Variants in UNC13C observed in about 807,000 individuals in gnomAD.
UNC13C encodes protein unc-13 homolog C.
In UNC13C, 174 loss-of-function variants were observed where a neutral mutation model predicts 245.4. That is an observed-to-expected ratio of 0.71 (90% CI 0.63 to 0.80). The LOEUF is 0.80. UNC13C is among the 30% of genes least tolerant of loss of function. The pLI, the probability that UNC13C is intolerant of heterozygous loss-of-function variation, is 0.00. For missense variants in UNC13C, 2,829 were observed against 2,602.9 expected (o/e 1.09, Z -1.89); for synonymous variants, 992 against 895.1 (o/e 1.11, Z -1.93).
At chr15:54,259,199 A>G (rs1384431205) in intron 8 of UNC13C, among the ~76,000 whole-genome samples, 1 of 152,218 alleles carries the variant, frequency 6.6e-6, no homozygotes, top group Non-Finnish European at 1.5e-5. Flanking sequence ...GTTTCAATAT[A>G]TGACTTTCAA....
At position 54,546,709 on chromosome 15, in the gene UNC13C, A is replaced by T. The variant is rs187587791; in HGVS notation, c.5697-13A>T. The T allele has an allele frequency of 6.2e-3, 8,562 of 1,376,806 alleles. 49 individuals carry two copies. The highest frequency in any genetic ancestry group is 0.018 in the South Asian group (1,176 of 65,342). The allele number at this position is 1,376,806 out of a possible 1,614,324, so 85.3% of individuals were successfully genotyped here. A position where few individuals can be genotyped will look rare whatever the true frequency, so the allele number is the denominator to read the frequency against. ...AATTTAAAAGTGAATATATATATAT[A>T]TTTTTTTTTCAGATTAAGTCTCTCA... On this transcript the variant is annotated splice_polypyrimidine_tract_variant and intron_variant, in intron 26 of 32. Coordinates refer to ENST00000260323, the MANE Select transcript of UNC13C (RefSeq NM_001080534.3).
chr15:54,046,787 G>T (rs1180867387), intron 2 of UNC13C, among the ~76,000 whole-genome samples: 1 of 151,500 alleles, frequency 6.6e-6, no homozygotes, highest in Non-Finnish European at 1.5e-5. Context: ...TGCTCAATCA[G>T]ATTTCATAAA....
intron 18 of UNC13C, among the ~76,000 whole-genome samples, chr15:54,408,228 A>AAAAAAAC: frequency 6.8e-6 from 1 of 146,068 alleles, no homozygotes; most frequent in African/African-American, 2.6e-5. Context: ...AAAAAAAAAA[A>AAAAAAAC]ACATGGGCAA....
At chr15:54,052,846 A>G (rs1459335735) in intron 2 of UNC13C, among the ~76,000 whole-genome samples, 1 of 152,246 alleles carries the variant, frequency 6.6e-6, no homozygotes, top group African/African-American at 2.4e-5. Flanking sequence ...ATAAGTATCC[A>G]GTGACAGAAA....
intron 19 of UNC13C, among the ~76,000 whole-genome samples, chr15:54,449,524 T>A (rs1039179567): frequency 6.6e-6 from 1 of 152,204 alleles, no homozygotes; most frequent in African/African-American, 2.4e-5. Flanking sequence ...TTTAATTCAT[T>A]TGATATTCAA....
At chr15:53,855,689 G>A in the UNC13C span, among the ~76,000 whole-genome samples, 2 of 152,156 alleles carry the variant, frequency 1.3e-5, no homozygotes, top group Non-Finnish European at 2.9e-5. Context: ...GATTCGATTT[G>A]CCAGTATATT....
intron 24 of UNC13C, 121 bp from the exon 25 acceptor site, chr15:54,525,425 AAAG>A (rs898476657): frequency 1.4e-4 from 83 of 583,134 alleles, no homozygotes; most frequent in Non-Finnish European, 2.0e-4. Flanking sequence ...AAAAAAAAAA[AAAG>A]AAGAGAAAAA....
chr15:53,925,036 A>C, the UNC13C span, among the ~76,000 whole-genome samples: 1 of 152,194 alleles, frequency 6.6e-6, no homozygotes. Flanking sequence ...CCAGATATTG[A>C]ATCAGAAGTT....
At chr15:54,019,159 G>A (rs545753582) in intron 2 of UNC13C, among the ~76,000 whole-genome samples, 56 of 152,316 alleles carry the variant, frequency 3.7e-4, no homozygotes, top group African/African-American at 9.9e-4. Flanking sequence ...TGAGGAAGCA[G>A]ATGCTGAAAA....
chr15:54,397,271 T>C (rs2040090041), intron 18 of UNC13C, among the ~76,000 whole-genome samples: 1 of 151,490 alleles, frequency 6.6e-6, no homozygotes, highest in Non-Finnish European at 1.5e-5. Context: ...TATCTCTACT[T>C]GTTGAAAATT....
At chr15:53,848,312 G>A in the UNC13C span, among the ~76,000 whole-genome samples, 5,576 of 151,830 alleles carry the variant, frequency 0.037, 148 homozygotes, top group Admixed American at 0.087. Flanking sequence ...CTATAGCTTC[G>A]CCCTCACAAA....
At chr15:54,598,430 A>G (rs1899220326) in intron 30 of UNC13C, among the ~76,000 whole-genome samples, 1 of 152,064 alleles carries the variant, frequency 6.6e-6, no homozygotes, top group South Asian at 2.1e-4. Context: ...ATTCCATGAC[A>G]CTGCTTTGGG....
At chr15:53,882,999 C>T in the UNC13C span, among the ~76,000 whole-genome samples, 1 of 151,980 alleles carries the variant, frequency 6.6e-6, no homozygotes, top group African/African-American at 2.4e-5. Context: ...CCGTATGACA[C>T]ACATTTATTT....
At chr15:54,514,951 G>GAA (rs535830833) in intron 24 of UNC13C, among the ~76,000 whole-genome samples, 19 of 150,612 alleles carry the variant, frequency 1.3e-4, no homozygotes, top group South Asian at 4.2e-4. Flanking sequence ...CCTATTTAGG[G>GAA]AAAAAAAAAG....
At chr15:54,400,861 A>G (rs758769270) in intron 18 of UNC13C, among the ~76,000 whole-genome samples, 9 of 152,136 alleles carry the variant, frequency 5.9e-5, no homozygotes, top group Non-Finnish European at 1.3e-4. Context: ...TTAACTCATC[A>G]TTTACATTCG....
the UNC13C span, among the ~76,000 whole-genome samples, chr15:53,852,202 G>T: frequency 4.5e-4 from 68 of 152,254 alleles, no homozygotes; most frequent in Non-Finnish European, 6.2e-4. Flanking sequence ...ACCCAGTTGG[G>T]GTCTGACGCT....
At chr15:54,138,185 T>A (rs566852959) in intron 2 of UNC13C, among the ~76,000 whole-genome samples, 180 of 152,276 alleles carry the variant, frequency 1.2e-3, no homozygotes, top group African/African-American at 4.3e-3. Flanking sequence ...ATGATTTCAA[T>A]GTTTAAATTT....
chr15:54,185,552 G>C (rs1157899943), intron 4 of UNC13C, among the ~76,000 whole-genome samples: 4 of 150,632 alleles, frequency 2.7e-5, no homozygotes, highest in Admixed American at 6.6e-5. Context: ...GCTTGTTTTT[G>C]TCAGGTTTGT....
intron 30 of UNC13C, among the ~76,000 whole-genome samples, chr15:54,578,631 G>A (rs1420601457): frequency 1.3e-5 from 2 of 152,232 alleles, no homozygotes; most frequent in Non-Finnish European, 1.5e-5. Flanking sequence ...TCACACTGCA[G>A]TTTACTACCA....
Sources: allele counts gnomAD v4.1 joint callset (sites outside exome capture counted in the v4.1 genomes callset), GRCh38; gene constraint gnomAD v4.1.1; transcripts MANE v1.5; gene names NCBI Gene and HGNC (gene_info 2026-07-23, HGNC 2026-07-21).